DOCK4: variants seen among roughly 807,000 people sequenced by gnomAD.
The protein encoded by DOCK4 is dedicator of cytokinesis 4.
In DOCK4, 97 loss-of-function variants were observed where a neutral mutation model predicts 268.1. The ratio of observed to expected loss-of-function variants is 0.36; its 90% CI spans 0.31 to 0.43. The LOEUF is 0.43. DOCK4 is among the 20% of genes least tolerant of loss of function. DOCK4 has a pLI of 1.00. For missense variants in DOCK4, 2,145 were observed against 2,455.7 expected (o/e 0.87, Z 2.67); for synonymous variants, 954 against 887.2 (o/e 1.08, Z -1.34).
chr7:112,169,041 C>T (rs1239711268), intron 1 of DOCK4, among the ~76,000 whole-genome samples: 2 of 152,108 alleles, frequency 1.3e-5, no homozygotes, highest in Non-Finnish European at 2.9e-5. Context: ...GGAGGAGGGC[C>T]CTAGTGGGAG....
intron 16 of DOCK4, among the ~76,000 whole-genome samples, chr7:111,878,956 A>G (rs563807483): frequency 6.6e-6 from 1 of 152,186 alleles, no homozygotes; most frequent in East Asian, 1.9e-4. Context: ...GTCCATGGAC[A>G]AGGGTAGCAT....
intron 4 of DOCK4, among the ~76,000 whole-genome samples, chr7:111,996,271 C>T (rs556801346): frequency 3.2e-4 from 48 of 152,248 alleles, no homozygotes; most frequent in South Asian, 1.0e-3. Context: ...TGGGGGTTGT[C>T]CAAGCAAAAT....
At chr7:112,033,604 G>C (rs1208643879) in intron 1 of DOCK4, among the ~76,000 whole-genome samples, 2 of 152,176 alleles carry the variant, frequency 1.3e-5, no homozygotes, top group Non-Finnish European at 2.9e-5. Context: ...AGTTAGGACT[G>C]TACTTACCTT....
chr7:112,113,827 T>A (rs190505533), intron 1 of DOCK4, among the ~76,000 whole-genome samples: 1 of 138,396 alleles, frequency 7.2e-6, no homozygotes, highest in East Asian at 2.3e-4. Context: ...ACTTCTGGCC[T>A]TAGTGACCCT....
intron 12 of DOCK4, among the ~76,000 whole-genome samples, chr7:111,928,003 T>C (rs891123791): frequency 6.6e-6 from 1 of 152,164 alleles, no homozygotes; most frequent in Non-Finnish European, 1.5e-5. Context: ...AGACGATACC[T>C]TTTTCACCCC....
chr7:111,890,670 A>G (rs1001916162), intron 16 of DOCK4, among the ~76,000 whole-genome samples: 10 of 152,212 alleles, frequency 6.6e-5, no homozygotes, highest in South Asian at 2.1e-4. Flanking sequence ...AGTATTTACT[A>G]TAACAGCTCG....
chr7:111,792,589 C>T (rs1347792381), intron 30 of DOCK4, among the ~76,000 whole-genome samples: 1 of 152,016 alleles, frequency 6.6e-6, no homozygotes, highest in African/African-American at 2.4e-5. Context: ...TACCATGTTG[C>T]CCAGGCTGGT....
intron 1 of DOCK4, among the ~76,000 whole-genome samples, chr7:112,195,458 TC>T (rs1240498042): frequency 6.6e-6 from 1 of 152,170 alleles, no homozygotes; most frequent in Non-Finnish European, 1.5e-5. Flanking sequence ...TTTTCGTATT[TC>T]TTTGAGACCC....
intron 9 of DOCK4, 76 bp downstream of exon 9, chr7:111,945,641 A>C: frequency 8.1e-7 from 1 of 1,239,212 alleles, no homozygotes; most frequent in Non-Finnish European, 1.1e-6. Flanking sequence ...GTTCTCTCAC[A>C]GTAATTTATT....
rs1190490452 is a variant in DOCK4, at chr7:111,792,662, C to T, written c.3167-2057G>A. ...CCTCCCAAAGTGCTGGGTTTACAGG[C>T]GTGAGCCGCTGCGCCTGGCTTACAG... On this transcript the variant is annotated intron_variant, in intron 30 of 52. Coordinates refer to ENST00000428084, the MANE Select transcript of DOCK4 (RefSeq NM_001363540.2). 4.6e-5 allele frequency among the ~76,000 whole-genome samples: 7 copies of T among 152,296 alleles called. No homozygotes were observed. The South Asian group carries it at 6.2e-4, about 14-fold the overall frequency.
At chr7:111,963,262 A>C (rs1004788233) in intron 8 of DOCK4, among the ~76,000 whole-genome samples, 4 of 150,990 alleles carry the variant, frequency 2.6e-5, no homozygotes, top group African/African-American at 9.8e-5. Flanking sequence ...GCGACGCAGA[A>C]GACAGGTGAT....
chr7:112,034,908 C>T (rs887564036), intron 1 of DOCK4, among the ~76,000 whole-genome samples: 3 of 151,990 alleles, frequency 2.0e-5, no homozygotes, highest in African/African-American at 7.2e-5. Flanking sequence ...AGTCTCAAAA[C>T]AAACAAACAA....
intron 1 of DOCK4, among the ~76,000 whole-genome samples, chr7:112,190,876 C>T (rs998493950): frequency 1.3e-5 from 2 of 152,110 alleles, no homozygotes; most frequent in Non-Finnish European, 2.9e-5. Flanking sequence ...CATACCAACT[C>T]CTTGGACAGG....
chr7:111,809,440 C>A lies in DOCK4; in HGVS notation c.3007-39G>T. ...AAGATATATCAATACTATGGTGTTA[C>A]AAGCATATTGACAGGTGAAGTGACA... is the stretch of plus-strand genomic sequence containing the variant. On this transcript the variant is annotated intron_variant, in intron 28 of 52. Transcript: ENST00000428084. 8 of 1,490,516 alleles carry A rather than the reference C, an allele frequency of 5.4e-6. No homozygotes were observed. In the South Asian group the frequency reaches 9.7e-5, roughly 18 times the overall value. 92.3% of individuals were successfully genotyped at this position (1,490,516 alleles called of 1,614,324 possible).
chr7:111,983,342 C>G (rs1798750863), intron 7 of DOCK4, among the ~76,000 whole-genome samples: 1 of 151,938 alleles, frequency 6.6e-6, no homozygotes, highest in Non-Finnish European at 1.5e-5. Flanking sequence ...AAAAGATATG[C>G]CAAAAGAGGC....
intron 23 of DOCK4, among the ~76,000 whole-genome samples, chr7:111,850,848 C>A (rs1261229803): frequency 6.6e-6 from 1 of 152,114 alleles, no homozygotes; most frequent in Non-Finnish European, 1.5e-5. Flanking sequence ...CGGACTCAGT[C>A]CACCTACACC....
intron 16 of DOCK4, among the ~76,000 whole-genome samples, chr7:111,880,146 C>G (rs183513767): frequency 7.2e-5 from 11 of 151,928 alleles, no homozygotes; most frequent in African/African-American, 2.7e-4. Flanking sequence ...AATCAAACTC[C>G]GAAAGGTCAA....
chr7:112,079,501 T>C (rs1266981220), intron 1 of DOCK4, among the ~76,000 whole-genome samples: 2 of 152,194 alleles, frequency 1.3e-5, no homozygotes, highest in Admixed American at 1.3e-4. Context: ...CTATGAAGTA[T>C]ACTTTTAAAT....
rs57672966 is a variant in DOCK4 at position 112,113,734 on chromosome 7, A to ATTTTT, written c.37+92363_37+92367dup. On this transcript the variant is annotated intron_variant, in intron 1 of 52. Transcript: ENST00000428084. ...AGGCATGCACCACCATACTTGGCTG[A>ATTTTT]TTTTTTTTTTTTTTTTTTTTTTTTT... Among the ~76,000 whole-genome samples the ATTTTT allele has an allele frequency of 3.6e-4, 18 of 49,548 alleles. 1 individual carries two copies. Among genetic ancestry groups the ATTTTT allele is most frequent in the Admixed American group, 7.1e-4 (2 of 2,826 alleles). 32.5% of individuals were successfully genotyped at this position (49,548 alleles called of 152,430 possible).
Sources: allele counts gnomAD v4.1 joint callset (sites outside exome capture counted in the v4.1 genomes callset), GRCh38; gene constraint gnomAD v4.1.1; transcripts MANE v1.5; gene names NCBI Gene and HGNC (gene_info 2026-07-23, HGNC 2026-07-21).